ZFYVE28: variants seen among roughly 807,000 people sequenced by gnomAD.
The protein encoded by ZFYVE28 is lateral signaling target protein 2 homolog.
ZFYVE28 carries 40 observed loss-of-function variants against 82.1 expected under a neutral mutation model. The ratio of observed to expected loss-of-function variants is 0.49; its 90% CI spans 0.38 to 0.63. ZFYVE28 has a LOEUF of 0.63. ZFYVE28 is among the 30% of genes least tolerant of loss of function. The pLI is 0.00. For synonymous variants in ZFYVE28, 612 were observed against 546.1 expected (o/e 1.12, Z -1.68); for missense variants, 1,321 against 1,242.1 (o/e 1.06, Z -0.96).
At chr4:2,312,340 C>T (rs1472980156) in intron 7 of ZFYVE28, among the ~76,000 whole-genome samples, 1 of 152,114 alleles carries the variant, frequency 6.6e-6, no homozygotes, top group Admixed American at 6.5e-5. Context: ...GAGTTCAAAA[C>T]CAGCCTGGGC....
chr4:2,288,573 T>G (rs945065239), intron 8 of ZFYVE28, among the ~76,000 whole-genome samples: 5 of 152,146 alleles, frequency 3.3e-5, no homozygotes, highest in Non-Finnish European at 5.9e-5. Flanking sequence ...CCAAGCTGGG[T>G]TGGTGAGTCA....
At chr4:2,358,464 T>C (rs544289453) in intron 1 of ZFYVE28, among the ~76,000 whole-genome samples, 131 of 152,296 alleles carry the variant, frequency 8.6e-4, no homozygotes, top group Non-Finnish European at 1.5e-3. Context: ...TGACCCCTCC[T>C]GGCCCTGCCT....
intron 8 of ZFYVE28, among the ~76,000 whole-genome samples, chr4:2,278,312 T>C (rs60766591): frequency 0.64 from 95,736 of 150,090 alleles, 31,554 homozygotes; most frequent in African/African-American, 0.8. Context: ...CTCAGCCTCC[T>C]GAGTAGCTGG....
intron 7 of ZFYVE28, among the ~76,000 whole-genome samples, chr4:2,307,409 T>C (rs1421185923): frequency 2.0e-5 from 3 of 152,202 alleles, no homozygotes; most frequent in Non-Finnish European, 2.9e-5. Context: ...TTTTTCTTTA[T>C]GATTAGTGCT....
intron 7 of ZFYVE28, among the ~76,000 whole-genome samples, chr4:2,319,500 G>A (rs989358797): frequency 2.0e-5 from 3 of 152,170 alleles, no homozygotes; most frequent in Non-Finnish European, 4.4e-5. Flanking sequence ...GTCCCCGAAG[G>A]AAACCTGGTT....
rs556686839 is a variant in ZFYVE28 at position 2,357,650 on chromosome 4, G to A, written c.40-3577C>T. ...CACCTGGCTGTGACTGAGGTGGCCC[G>A]GAGCCCTCACAGTCCCTCTCCACGT... On this transcript the variant is annotated intron_variant, in intron 1 of 12. Coordinates refer to ENST00000290974, the MANE Select transcript of ZFYVE28 (RefSeq NM_020972.3). Among the ~76,000 whole-genome samples the A allele has an allele frequency of 8.5e-4, 129 of 152,300 alleles. 2 individuals carry two copies. In the Middle Eastern group the frequency reaches 0.024, roughly 28 times the overall value.
chr4:2,398,606 C>T (rs1002878933), intron 1 of ZFYVE28, among the ~76,000 whole-genome samples: 1 of 150,428 alleles, frequency 6.6e-6, no homozygotes, highest in African/African-American at 2.5e-5. Context: ...GACCGAGATC[C>T]AGGGCACAAG....
At position 2,339,358 on chromosome 4, in the gene ZFYVE28, A is replaced by G. The variant is rs763586987; in HGVS notation, c.521+95T>C. 5 of 1,419,846 alleles carry G rather than the reference A, an allele frequency of 3.5e-6. No individual in the cohort carries two copies. The East Asian group carries it at 9.7e-5, about 27-fold the overall frequency. 88.0% of individuals were successfully genotyped at this position (1,419,846 alleles called of 1,614,324 possible). On this transcript the variant is annotated intron_variant, in intron 4 of 12. Transcript: ENST00000290974. This position sits in a 1 kb window ranked among gnomAD's most constrained non-coding sequence, Gnocchi z 5.0. Reference sequence around the variant, plus strand: ...CCTGCCTGGCTCCTCCCTCTGTGGAATTTTCCAGCTTGAAGTATCAGGGTG... The same window carrying G: ...CCTGCCTGGCTCCTCCCTCTGTGGAGTTTTCCAGCTTGAAGTATCAGGGTG...
In ZFYVE28 at chr4:2,339,844, T is replaced by C. The variant is rs1345154271; in HGVS notation, c.319-189A>G. On this transcript the variant is annotated intron_variant, in intron 3 of 12. Coordinates refer to ENST00000290974, the MANE Select transcript of ZFYVE28 (RefSeq NM_020972.3). This position sits in a 1 kb window ranked among gnomAD's most constrained non-coding sequence, Gnocchi z 5.0. ...GAGCAATCGTGAGGGCGATAACCGA[T>C]GTCCCCCAATGTGACCCACGGGGTC... Among the ~76,000 whole-genome samples, 1 of 150,790 alleles carries C rather than the reference T, an allele frequency of 6.6e-6. No homozygotes were observed. The highest frequency in any genetic ancestry group is 1.5e-5 in the Non-Finnish European group (1 of 67,648).
chr4:2,319,493 C>A (rs928876639), intron 7 of ZFYVE28, among the ~76,000 whole-genome samples: 1 of 152,110 alleles, frequency 6.6e-6, no homozygotes, highest in Non-Finnish European at 1.5e-5. Context: ...CTTCTGGGTC[C>A]CCGAAGGAAA....
At chr4:2,279,577 A>G (rs796834306) in intron 8 of ZFYVE28, among the ~76,000 whole-genome samples, 3 of 152,182 alleles carry the variant, frequency 2.0e-5, no homozygotes, top group South Asian at 2.1e-4. Context: ...CAGGAGATCG[A>G]GACCATCCTG....
rs931036080 is a variant in ZFYVE28, at chr4:2,408,680, C to A, written c.39+9605G>T. ...AGATAGAGTCCCGCCCAGATGAGTA[C>A]CACCCAGGTAAGCCTGCCTAGATGA... On this transcript the variant is annotated intron_variant, in intron 1 of 12. Coordinates refer to ENST00000290974, the MANE Select transcript of ZFYVE28 (RefSeq NM_020972.3). This position sits in a 1 kb window ranked among gnomAD's most constrained non-coding sequence, Gnocchi z 4.3. Among the ~76,000 whole-genome samples, 12 of 152,132 alleles carry A rather than the reference C, an allele frequency of 7.9e-5. No individual in the cohort carries two copies. The highest frequency in any genetic ancestry group is 2.9e-4 in the African/African-American group (12 of 41,414).
In ZFYVE28 at chr4:2,304,561, G is replaced by C; in HGVS notation, c.1779C>G (p.Ala593=). Residue 593 remains alanine (A), a synonymous_variant, in exon 8 of 13, where the codon GCC becomes GCG. Coordinates refer to ENST00000290974, the MANE Select transcript of ZFYVE28 (RefSeq NM_020972.3). ...EKCSPGGVIG[A]SYAAGLAKAS... Reference sequence around the variant, plus strand: ...CCTTGGCTAAGCCGGCAGCGTACGAGGCACCAATGACGCCTCCCGGGCTGC... The same window carrying C: ...CCTTGGCTAAGCCGGCAGCGTACGACGCACCAATGACGCCTCCCGGGCTGC... 2 of 1,612,772 alleles carry C rather than the reference G, an allele frequency of 1.2e-6. No individual in the cohort carries two copies. Among genetic ancestry groups the C allele is most frequent in the Non-Finnish European group, 1.7e-6 (2 of 1,179,914 alleles).
At chr4:2,398,692 G>C (rs866416241) in intron 1 of ZFYVE28, among the ~76,000 whole-genome samples, 2 of 4,478 alleles carry the variant, frequency 4.5e-4, no homozygotes, top group African/African-American at 1.8e-3. Context: ...GGGCACAATG[G>C]GGGGTCGAGA....
intron 1 of ZFYVE28, among the ~76,000 whole-genome samples, chr4:2,355,871 C>A (rs1725237932): frequency 6.6e-6 from 1 of 152,222 alleles, no homozygotes; most frequent in African/African-American, 2.4e-5. Context: ...AGTCACTGTG[C>A]CTGGCCTGAA....
At chr4:2,368,212 A>AAAAAAAAAAAAC (rs1578276161) in intron 1 of ZFYVE28, among the ~76,000 whole-genome samples, 1 of 45,622 alleles carries the variant, frequency 2.2e-5, no homozygotes, top group East Asian at 4.6e-4. Flanking sequence ...ACATCTCTAC[A>AAAAAAAAAAAAC]AAAAAAAAAA....
rs180860181 is a variant in ZFYVE28 at position 2,367,961 on chromosome 4, C to T, written c.40-13888G>A. Reference sequence around the variant, plus strand: ...AGGGCGACTTGGTGCGTGCCAGTCGCGGCAGGTCTGTGTCCAGGTAGCTCC... The same window carrying T: ...AGGGCGACTTGGTGCGTGCCAGTCGTGGCAGGTCTGTGTCCAGGTAGCTCC... On this transcript the variant is annotated intron_variant, in intron 1 of 12. Coordinates refer to ENST00000290974, the MANE Select transcript of ZFYVE28 (RefSeq NM_020972.3). Among the ~76,000 whole-genome samples the T allele has an allele frequency of 5.8e-3, 885 of 152,260 alleles. 6 individuals are homozygous for T. Among genetic ancestry groups the T allele is most frequent in the Admixed American group, 0.014 (209 of 15,300 alleles).
At chr4:2,401,259 C>T (rs1055378901) in intron 1 of ZFYVE28, among the ~76,000 whole-genome samples, 1 of 152,192 alleles carries the variant, frequency 6.6e-6, no homozygotes, top group Non-Finnish European at 1.5e-5. Flanking sequence ...TCACACGCAA[C>T]GACACATGGC....
At chr4:2,353,800 G>C in intron 2 of ZFYVE28, 133 bp downstream of exon 2, 1 of 1,150,728 alleles carries the variant, frequency 8.7e-7, no homozygotes, top group Non-Finnish European at 1.1e-6. Context: ...CCTGGGCCTG[G>C]CTTCTCTAGC....
Sources: allele counts gnomAD v4.1 joint callset (sites outside exome capture counted in the v4.1 genomes callset), GRCh38; gene constraint gnomAD v4.1.1; non-coding constraint Gnocchi (gnomAD v3.1); transcripts MANE v1.5; gene names NCBI Gene and HGNC (gene_info 2026-07-23, HGNC 2026-07-21).